NAV3: variants seen among roughly 807,000 people sequenced by gnomAD.
NAV3 encodes pore membrane and/or filament interacting like protein 1.
In NAV3, 87 loss-of-function variants were observed where a neutral mutation model predicts 244.7. That is an observed-to-expected ratio of 0.36 (90% CI 0.30 to 0.42). The LOEUF is 0.42. NAV3 is among the 20% of genes least tolerant of loss of function. The pLI is 1.00. For synonymous variants in NAV3, 1,126 were observed against 1,042.2 expected (o/e 1.08, Z -1.55); for missense variants, 2,663 against 2,893.3 (o/e 0.92, Z 1.83).
At chr12:77,962,468 A>T (rs1892114934) in intron 3 of NAV3, among the ~76,000 whole-genome samples, 1 of 151,950 alleles carries the variant, frequency 6.6e-6, no homozygotes, top group Non-Finnish European at 1.5e-5. Context: ...AAAGCCCAAA[A>T]CCTTGGAGTT....
chr12:78,151,972 C>T (rs1301439677), intron 22 of NAV3, among the ~76,000 whole-genome samples: 1 of 151,260 alleles, frequency 6.6e-6, no homozygotes, highest in African/African-American at 2.4e-5. Context: ...CATGCTTTTC[C>T]TTTATTTGTG....
At chr12:78,180,080 G>C (rs1431302961) in intron 29 of NAV3, among the ~76,000 whole-genome samples, 1 of 152,096 alleles carries the variant, frequency 6.6e-6, no homozygotes, top group Non-Finnish European at 1.5e-5. Context: ...AAATACAAAA[G>C]TAATGAGGAA....
intron 12 of NAV3, among the ~76,000 whole-genome samples, chr12:78,097,160 G>A (rs965202974): frequency 6.6e-6 from 1 of 152,172 alleles, no homozygotes. Flanking sequence ...GCAATGAGGA[G>A]ACTGCCTGGA....
At chr12:78,181,736 C>T (rs924028416) in intron 30 of NAV3, among the ~76,000 whole-genome samples, 4 of 151,932 alleles carry the variant, frequency 2.6e-5, no homozygotes, top group Admixed American at 6.6e-5. Flanking sequence ...TTGTGAAGCA[C>T]GGCCACCAGA....
At chr12:78,164,853 A>T (rs1957713516) in intron 23 of NAV3, among the ~76,000 whole-genome samples, 1 of 152,150 alleles carries the variant, frequency 6.6e-6, no homozygotes, top group Admixed American at 6.6e-5. Context: ...CTAGAAGGTC[A>T]AGTTAGTTGA....
chr12:77,958,043 T>G (rs1891536801), intron 3 of NAV3, among the ~76,000 whole-genome samples: 1 of 152,172 alleles, frequency 6.6e-6, no homozygotes, highest in South Asian at 2.1e-4. Flanking sequence ...ACAAAATAAT[T>G]GTAGTTAAAA....
At chr12:77,805,917 T>G (rs1487440577) in intron 2 of NAV3, among the ~76,000 whole-genome samples, 1 of 152,198 alleles carries the variant, frequency 6.6e-6, no homozygotes, top group African/African-American at 2.4e-5. Context: ...GTCAAGGAAT[T>G]TATCCATTTC....
intron 2 of NAV3, among the ~76,000 whole-genome samples, chr12:77,612,383 G>A (rs548204411): frequency 6.6e-6 from 1 of 152,226 alleles, no homozygotes; most frequent in Non-Finnish European, 1.5e-5. Context: ...CCAGGCAGAG[G>A]TACTTGAAGG....
chr12:78,126,113 T>A (rs943336529), intron 16 of NAV3, among the ~76,000 whole-genome samples: 4 of 152,338 alleles, frequency 2.6e-5, no homozygotes, highest in Admixed American at 2.0e-4. Context: ...CTCTACACAG[T>A]ATAAGCAATT....
chr12:78,126,637 CA>C (rs1394121366), intron 16 of NAV3, among the ~76,000 whole-genome samples: 1 of 152,064 alleles, frequency 6.6e-6, no homozygotes, highest in African/African-American at 2.4e-5. Flanking sequence ...ATACTAGAAT[CA>C]ATTAAGTTTT....
chr12:78,186,984 T>A (rs536738591), intron 31 of NAV3, among the ~76,000 whole-genome samples: 60 of 151,964 alleles, frequency 3.9e-4, no homozygotes, highest in African/African-American at 1.4e-3. Context: ...ATCATGAAAG[T>A]CCCACCATTA....
intron 23 of NAV3, among the ~76,000 whole-genome samples, chr12:78,163,679 A>G (rs1957661180): frequency 6.6e-6 from 1 of 152,168 alleles, no homozygotes; most frequent in Non-Finnish European, 1.5e-5. Context: ...CATGTTATAT[A>G]ATACTAAGTC....
intron 2 of NAV3, among the ~76,000 whole-genome samples, chr12:77,590,572 A>ATACC (rs905857516): frequency 6.6e-6 from 1 of 152,168 alleles, no homozygotes; most frequent in Non-Finnish European, 1.5e-5. Flanking sequence ...ACTAGGCTTA[A>ATACC]TACCTGAGTG....
At position 78,188,319 on chromosome 12, in the gene NAV3, T is replaced by C. The variant is rs1460974386; in HGVS notation, c.5862T>C (p.Asp1954=). The change falls in exon 32 of 40, where the codon GAT becomes GAC. Residue 1954 remains aspartate (D), a synonymous_variant. Coordinates refer to ENST00000397909, the MANE Select transcript of NAV3 (RefSeq NM_001024383.2). ...VSGKTKWDVL[D]GVIRRLFKEY... ...GAAAAACCAAGTGGGATGTCTTAGA[T>C]GGTGTAATAAGACGTCTCTTTAAGG... 3 of 1,610,704 alleles carry C rather than the reference T, an allele frequency of 1.9e-6. No individual in the cohort carries two copies. The highest frequency in any genetic ancestry group is 2.2e-5 in the South Asian group (2 of 90,954).
intron 3 of NAV3, among the ~76,000 whole-genome samples, chr12:77,957,229 G>T (rs182993439): frequency 6.6e-6 from 1 of 152,130 alleles, no homozygotes; most frequent in East Asian, 1.9e-4. Context: ...TATTTTACAA[G>T]CTCACAAAGG....
At chr12:78,090,560 G>A (rs898180719) in intron 12 of NAV3, among the ~76,000 whole-genome samples, 2 of 152,008 alleles carry the variant, frequency 1.3e-5, no homozygotes, top group African/African-American at 4.8e-5. Flanking sequence ...TGATCTTGGT[G>A]CCATCAATTC....
At chr12:77,615,493 G>C (rs367635757) in intron 2 of NAV3, among the ~76,000 whole-genome samples, 4 of 152,106 alleles carry the variant, frequency 2.6e-5, no homozygotes, top group South Asian at 4.1e-4. Flanking sequence ...TCCTGTGTTA[G>C]TTTGCATAGG....
chr12:77,689,232 T>G (rs1480553248), intron 2 of NAV3, among the ~76,000 whole-genome samples: 1 of 151,956 alleles, frequency 6.6e-6, no homozygotes, highest in Admixed American at 6.6e-5. Flanking sequence ...CATCTGCTGC[T>G]AGGGGAAAGA....
intron 8 of NAV3, among the ~76,000 whole-genome samples, chr12:78,015,494 A>ATTT (rs34665457): frequency 1.8e-4 from 28 of 151,520 alleles, no homozygotes; most frequent in Non-Finnish European, 3.1e-4. Flanking sequence ...TATTAAATGT[A>ATTT]TTTTTTTTGT....
Sources: allele counts gnomAD v4.1 joint callset (sites outside exome capture counted in the v4.1 genomes callset), GRCh38; gene constraint gnomAD v4.1.1; transcripts MANE v1.5; gene names NCBI Gene and HGNC (gene_info 2026-07-23, HGNC 2026-07-21).